The following WASHC2C variants were observed in gnomAD, a reference collection of about 807,000 sequenced individuals.
WASHC2C encodes the protein WASH complex subunit 2C, also known as Vaccinia Penetration Factor.
Under a neutral mutation model 142.2 loss-of-function variants are expected in WASHC2C, and 73 were observed. The ratio of observed to expected loss-of-function variants is 0.51; its 90% CI spans 0.43 to 0.62. The LOEUF is 0.62. Among genes scored for constraint, WASHC2C ranks in the 20% least tolerant of loss-of-function variants. The pLI, the probability that WASHC2C is intolerant of heterozygous loss-of-function variation, is 0.00. For missense variants in WASHC2C, 969 were observed against 1,531.7 expected (o/e 0.63, Z 6.13); for synonymous variants, 337 against 565.5 (o/e 0.60, Z 5.73).
At chr10:45,744,508 G>A (rs1473400474) in intron 6 of WASHC2C, among the ~76,000 whole-genome samples, 2 of 148,544 alleles carry the variant, frequency 1.3e-5, no homozygotes, top group African/African-American at 4.9e-5. Context: ...ACATTTGGTT[G>A]TCAAATCTTC....
intron 3 of WASHC2C, among the ~76,000 whole-genome samples, chr10:45,729,397 G>A (rs1342368871): frequency 6.6e-6 from 1 of 152,182 alleles, no homozygotes; most frequent in Non-Finnish European, 1.5e-5. Flanking sequence ...TTCAGTTGTT[G>A]ATTGGGGTCA....
In WASHC2C at chr10:45,785,515, G is replaced by A; in HGVS notation, c.2695G>A (p.Glu899Lys). ...TATTTTTTTTCTTTTGAAGGTACAA[G>A]AGAAAAAGAGAGTAGTGAAAAAAGA... ...SSAKSQPLVQ[E>K]KKRVVKKDHS... Residue 899 changes from glutamate to lysine, a missense_variant, in exon 26 of 31, where the codon GAG (glutamate) becomes AAG (lysine). Physicochemically the swap from Glu to Lys is moderately conservative, Grantham distance 56. Transcript: ENST00000623400. The A allele has an allele frequency of 1.2e-6, 2 of 1,613,278 alleles. No homozygotes were observed. The highest frequency in any genetic ancestry group is 1.7e-6 in the Non-Finnish European group (2 of 1,179,732).
chr10:45,757,187 T>G, intron 16 of WASHC2C, 48 bp downstream of exon 16: 1 of 1,610,708 alleles, frequency 6.2e-7, no homozygotes, highest in South Asian at 1.1e-5. Flanking sequence ...CTGCAGCATT[T>G]TAATAATTCA....
chr10:45,789,145 G>C lies in WASHC2C; in HGVS notation c.3362G>C (p.Gly1121Ala), dbSNP rs1554891556. 6.2e-7 allele frequency: 1 copy of C among 1,612,062 alleles called. No individual in the cohort carries two copies. The highest frequency in any genetic ancestry group is 1.1e-5 in the South Asian group (1 of 90,992). Residue 1121 changes from glycine (G) to alanine (A), a missense_variant, in exon 29 of 31, where the codon GGT becomes GCT. Physicochemically the swap from Gly to Ala is moderately conservative, Grantham distance 60. Transcript: ENST00000623400. The part of the protein sequence containing the change: ...VDTSPFAKSL[G>A]HSRGEADLFD... ...ACAAGCCCCTTTGCAAAGTCTCTGG[G>C]TCATTCCAGAGGGGAGGCTGACCTT...
chr10:45,784,101 T>A (rs1415107330), intron 23 of WASHC2C, among the ~76,000 whole-genome samples: 5 of 151,834 alleles, frequency 3.3e-5, no homozygotes, highest in African/African-American at 1.2e-4. Context: ...TTCAGTTGTA[T>A]GTTTTTTACC....
Position 45,730,841 on chromosome 10 carries a change from G to A in WASHC2C, c.291+1815G>A, listed in dbSNP as rs529915160. Among the ~76,000 whole-genome samples the A allele has an allele frequency of 1.9e-3, 288 of 152,028 alleles. 1 individual carries two copies. Among genetic ancestry groups the A allele is most frequent in the African/African-American group, 6.8e-3 (281 of 41,426 alleles). On this transcript the variant is annotated intron_variant, in intron 3 of 30. Coordinates refer to ENST00000623400, the MANE Select transcript of WASHC2C (RefSeq NM_001330074.2). ...TCACCGAGTTAGCCAGGATGATCTC[G>A]ATCTCCTGACCTCGTGATCCGCCCA...
intron 17 of WASHC2C, among the ~76,000 whole-genome samples, chr10:45,762,626 C>T (rs1431369596): frequency 1.3e-5 from 2 of 152,216 alleles, no homozygotes; most frequent in African/African-American, 2.4e-5. Flanking sequence ...AATAAGTCGG[C>T]CGGGTGTGGT....
At chr10:45,752,258 G>T (rs1168902116) in intron 11 of WASHC2C, among the ~76,000 whole-genome samples, 1 of 152,280 alleles carries the variant, frequency 6.6e-6, no homozygotes, top group African/African-American at 2.4e-5. Context: ...CCTTCCCCCA[G>T]ATTGGTTGGG....
intron 20 of WASHC2C, among the ~76,000 whole-genome samples, chr10:45,771,117 A>G (rs1469866475): frequency 6.6e-6 from 1 of 151,954 alleles, no homozygotes; most frequent in African/African-American, 2.4e-5. Flanking sequence ...CTGTAATCCC[A>G]GCACTTGGGG....
chr10:45,792,674 G>T lies in WASHC2C; in HGVS notation c.*274G>T. 1 of 534,950 alleles carries T rather than the reference G, an allele frequency of 1.9e-6. No homozygotes were observed. Among genetic ancestry groups the T allele is most frequent in the South Asian group, 2.0e-5 (1 of 50,010 alleles). 33.1% of individuals were successfully genotyped at this position (534,950 alleles called of 1,614,324 possible). ...CTGGGGCCATAATATGCTTCAGGGT[G>T]TGTAAAAGAAGAAATCTCTTTGTGG... On this transcript the variant is annotated 3_prime_UTR_variant, in exon 31 of 31. Transcript: ENST00000623400.
chr10:45,766,883 G>T (rs1404844811), intron 19 of WASHC2C, among the ~76,000 whole-genome samples: 2 of 152,090 alleles, frequency 1.3e-5, no homozygotes, highest in South Asian at 2.1e-4. Flanking sequence ...TTAGTAGGGG[G>T]TGAAGTGGAT....
intron 13 of WASHC2C, among the ~76,000 whole-genome samples, chr10:45,754,242 C>G (rs1322477857): frequency 6.6e-6 from 1 of 152,148 alleles, no homozygotes; most frequent in African/African-American, 2.4e-5. Flanking sequence ...ACTGCTGTGG[C>G]TTGATGACGG....
intron 15 of WASHC2C, among the ~76,000 whole-genome samples, chr10:45,756,790 G>A (rs1384667709): frequency 2.0e-5 from 3 of 152,358 alleles, no homozygotes; most frequent in East Asian, 1.9e-4. Flanking sequence ...TGTCAGCCAC[G>A]TGGATAAACT....
At chr10:45,755,468 G>A (rs1455014882) in intron 15 of WASHC2C, among the ~76,000 whole-genome samples, 1 of 152,324 alleles carries the variant, frequency 6.6e-6, no homozygotes. Flanking sequence ...TGAGCAGCAG[G>A]TTGTGTGCCG....
chr10:45,792,022 C>T (rs2058424544), intron 30 of WASHC2C, among the ~76,000 whole-genome samples: 2 of 145,426 alleles, frequency 1.4e-5, no homozygotes, highest in African/African-American at 5.0e-5. Context: ...TGCACACGCA[C>T]ATACATACAC....
chr10:45,779,860 C>T (rs1168563988), intron 23 of WASHC2C, among the ~76,000 whole-genome samples: 3 of 152,138 alleles, frequency 2.0e-5, no homozygotes, highest in East Asian at 3.9e-4. Context: ...TGACGCTTGC[C>T]TGTAATCCCA....
At chr10:45,741,167 C>G (rs1294148956) in intron 5 of WASHC2C, among the ~76,000 whole-genome samples, 2 of 152,070 alleles carry the variant, frequency 1.3e-5, no homozygotes, top group African/African-American at 4.8e-5. Flanking sequence ...AGGCTGGTCT[C>G]GAACTCCCAA....
intron 30 of WASHC2C, 94 bp from the exon 31 acceptor site, chr10:45,792,167 G>C (rs1256236055): frequency 0.32 from 408,564 of 1,268,008 alleles, 98,817 homozygotes; most frequent in East Asian, 0.67. Context: ...ATGCTGTTAC[G>C]AGAGCTGGGT....
chr10:45,750,635 T>A lies in WASHC2C; in HGVS notation c.844-116T>A, dbSNP rs367864708. 1.9e-3 allele frequency: 2,046 copies of A among 1,094,466 alleles called. 3 individuals are homozygous for A. The highest frequency in any genetic ancestry group is 2.3e-3 in the Non-Finnish European group (1,704 of 744,758). 67.8% of individuals were successfully genotyped at this position (1,094,466 alleles called of 1,614,324 possible). A position where few individuals can be genotyped will look rare whatever the true frequency, so the allele number is the denominator to read the frequency against. On this transcript the variant is annotated intron_variant, in intron 9 of 30. Transcript: ENST00000623400. The stretch of plus-strand genomic sequence containing the variant: ...TGTTTAAATTCATTTAATTAAACTC[T>A]GTTTTCTCCTCAGTTCAATTTCTTT...
Sources: allele counts gnomAD v4.1 joint callset (sites outside exome capture counted in the v4.1 genomes callset), GRCh38; gene constraint gnomAD v4.1.1; transcripts MANE v1.5; gene names NCBI Gene and HGNC (gene_info 2026-07-23, HGNC 2026-07-21).